The following PIAS2 variants were observed in gnomAD, a reference collection of about 807,000 sequenced individuals.
The protein encoded by PIAS2 is protein inhibitor of activated STAT 2.
Under a neutral mutation model 69.7 loss-of-function variants are expected in PIAS2, and 19 were observed. The observed-to-expected ratio is 0.27, with a 90% CI of 0.19 to 0.40. PIAS2 has a LOEUF of 0.40. Ranked by LOEUF, PIAS2 falls within the 10% of genes least tolerant of loss-of-function variation. The pLI, the probability that PIAS2 is intolerant of heterozygous loss-of-function variation, is 1.00. For synonymous variants in PIAS2, 261 were observed against 263.2 expected (o/e 0.99, Z 0.08); for missense variants, 624 against 757.0 (o/e 0.82, Z 2.06).
At position 46,890,957 on chromosome 18, in the gene PIAS2, G is replaced by A. The variant is rs748062531; in HGVS notation, c.122C>T (p.Ala41Val). 48 of 1,613,816 alleles carry A rather than the reference G, an allele frequency of 3.0e-5. No individual in the cohort carries two copies. The highest frequency in any genetic ancestry group is 2.3e-4 in the South Asian group (21 of 91,080). The change falls in exon 2 of 14, where the codon GCG becomes GTG. Residue 41 changes from alanine (A) to valine (V), a missense_variant. By Grantham distance (64) the Ala-to-Val change is moderately conservative. Around this residue, in one of 3 missense-constraint regions of PIAS2, gnomAD observed 339 missense variants for 408.8 expected, o/e 0.83. Coordinates refer to ENST00000585916, the MANE Select transcript of PIAS2 (RefSeq NM_004671.5). Reference sequence around the variant, plus strand: ...GCAGCCGCTCTTCAATAAATGCAGCGCCCTCATCAGGAGGTCATGCTTGCG... The same window carrying A: ...GCAGCCGCTCTTCAATAAATGCAGCACCCTCATCAGGAGGTCATGCTTGCG... ...SGRKHDLLMR[A>V]LHLLKSGCSP... is the part of the protein sequence containing the mutation.
chr18:46,844,332 G>T (rs2045861476), intron 7 of PIAS2, among the ~76,000 whole-genome samples: 1 of 152,008 alleles, frequency 6.6e-6, no homozygotes, highest in South Asian at 2.1e-4. Context: ...AAGTAAAACT[G>T]CTGGCAAGCA....
intron 11 of PIAS2, among the ~76,000 whole-genome samples, chr18:46,822,984 T>A (rs2042342772): frequency 1.3e-5 from 2 of 151,806 alleles, no homozygotes. Flanking sequence ...ACACCTGTAA[T>A]CTCAGGTCTT....
chr18:46,840,240 T>A (rs1441911104), intron 8 of PIAS2, among the ~76,000 whole-genome samples: 1 of 152,150 alleles, frequency 6.6e-6, no homozygotes, highest in East Asian at 1.9e-4. Context: ...AATATTTGTA[T>A]ATTAGAAATT....
chr18:46,859,139 C>G (rs560425365), intron 3 of PIAS2, among the ~76,000 whole-genome samples: 1 of 152,158 alleles, frequency 6.6e-6, no homozygotes, highest in Admixed American at 6.5e-5. Flanking sequence ...ATAAAAGAAT[C>G]AATGAAGGGC....
At chr18:46,874,189 G>A (rs1224755096) in intron 2 of PIAS2, among the ~76,000 whole-genome samples, 4 of 152,094 alleles carry the variant, frequency 2.6e-5, no homozygotes, top group Non-Finnish European at 5.9e-5. Flanking sequence ...ACCACCCATC[G>A]GAGGAAGAAC....
intron 9 of PIAS2, among the ~76,000 whole-genome samples, 196 bp from the exon 10 acceptor site, chr18:46,830,063 A>T (rs2043373028): frequency 6.6e-6 from 1 of 152,196 alleles, no homozygotes; most frequent in African/African-American, 2.4e-5. Flanking sequence ...AACAGGCAAC[A>T]TAATAGTTAA....
chr18:46,834,489 ATAT>A (rs1211797690), intron 9 of PIAS2, among the ~76,000 whole-genome samples: 1 of 152,230 alleles, frequency 6.6e-6, no homozygotes, highest in East Asian at 1.9e-4. Context: ...TTTGTAAAAG[ATAT>A]TATAATGACC....
intron 3 of PIAS2, among the ~76,000 whole-genome samples, chr18:46,858,575 T>C (rs1372031683): frequency 4.6e-5 from 7 of 152,144 alleles, no homozygotes; most frequent in South Asian, 2.1e-4. Flanking sequence ...CACATGCCTA[T>C]AGTCCCAGCT....
At chr18:46,862,612 GGTGT>G (rs1213772134) in intron 3 of PIAS2, among the ~76,000 whole-genome samples, 3 of 151,734 alleles carry the variant, frequency 2.0e-5, no homozygotes, top group East Asian at 1.9e-4. Context: ...TAACACTAAA[GGTGT>G]GTGTATACAT....
intron 11 of PIAS2, among the ~76,000 whole-genome samples, chr18:46,825,843 G>T (rs769550035): frequency 1.4e-4 from 21 of 152,160 alleles, no homozygotes; most frequent in Non-Finnish European, 2.5e-4. Context: ...TGACTACAAA[G>T]TTGTCCTTAT....
chr18:46,893,986 C>G (rs1416355462), intron 1 of PIAS2, among the ~76,000 whole-genome samples: 1 of 152,006 alleles, frequency 6.6e-6, no homozygotes, highest in African/African-American at 2.4e-5. Context: ...ATTAGCCAGG[C>G]TTGGTGGTAC....
intron 12 of PIAS2, chr18:46,816,665 G>A (rs914200380): frequency 8.1e-5 from 23 of 282,616 alleles, no homozygotes; most frequent in African/African-American, 4.6e-4. Context: ...AGAGGGTCTC[G>A]CTATGTTGCC....
At chr18:46,892,769 C>CA (rs1171741331) in intron 1 of PIAS2, among the ~76,000 whole-genome samples, 1 of 151,880 alleles carries the variant, frequency 6.6e-6, no homozygotes, top group African/African-American at 2.4e-5. Flanking sequence ...AAGACTGTCT[C>CA]AAAAATAATA....
rs2058094958 is a variant in PIAS2 at position 46,917,363 on chromosome 18, C to CGCCGCCGCCGCT, written c.-30_-19dup. 1.4e-6 allele frequency: 2 copies of CGCCGCCGCCGCT among 1,456,526 alleles called. No homozygotes were observed. Among genetic ancestry groups the CGCCGCCGCCGCT allele is most frequent in the African/African-American group, 1.5e-5 (1 of 67,048 alleles). The allele number at this position is 1,456,526 out of a possible 1,614,324, so 90.2% of individuals were successfully genotyped here. A position where few individuals can be genotyped will look rare whatever the true frequency, so the allele number is the denominator to read the frequency against. ...TCCGCCATTTTATACCACCCGCGGG[C>CGCCGCCGCCGCT]GCCGCCGCCGCTGCCGCCGCACCCA... On this transcript the variant is annotated 5_prime_UTR_variant, in exon 1 of 14. Transcript: ENST00000585916.
chr18:46,899,595 A>G (rs3892820), intron 1 of PIAS2, among the ~76,000 whole-genome samples: 84,960 of 152,082 alleles, frequency 0.56, 24,277 homozygotes, highest in African/African-American at 0.67. Flanking sequence ...AGCCTCCAGC[A>G]TAACTGGGAC....
chr18:46,913,959 G>A (rs1433123449), intron 1 of PIAS2, among the ~76,000 whole-genome samples: 1 of 152,170 alleles, frequency 6.6e-6, no homozygotes, highest in Non-Finnish European at 1.5e-5. Context: ...ACCAAGCCCT[G>A]CCCTCCAGAC....
rs552472794 is a variant in PIAS2, at chr18:46,917,240, G to A, written c.24+82C>T. The A allele has an allele frequency of 2.1e-5, 30 of 1,414,140 alleles. No individual in the cohort carries two copies. The African/African-American group carries it at 2.7e-4, about 13-fold the overall frequency. The allele number at this position is 1,414,140 out of a possible 1,614,324, so 87.6% of individuals were successfully genotyped here. On this transcript the variant is annotated intron_variant, in intron 1 of 13. Coordinates refer to ENST00000585916, the MANE Select transcript of PIAS2 (RefSeq NM_004671.5). Reference sequence around the variant, plus strand: ...CCAACCGGCCCCAGAGGCACGAGCAGGCGGCGGCCGGCGACGTTGCGGTTT... The same window carrying A: ...CCAACCGGCCCCAGAGGCACGAGCAAGCGGCGGCCGGCGACGTTGCGGTTT...
chr18:46,851,168 G>C (rs1234773380), intron 5 of PIAS2, among the ~76,000 whole-genome samples: 1 of 152,136 alleles, frequency 6.6e-6, no homozygotes, highest in South Asian at 2.1e-4. Flanking sequence ...CAACATCAGG[G>C]AACATAAATC....
upstream of PIAS2, chr18:46,917,698 G>A: frequency 2.7e-6 from 1 of 377,082 alleles, no homozygotes; most frequent in Non-Finnish European, 3.7e-6. Context: ...CCTCCCCGGC[G>A]GAGGCCCCTG....
Sources: allele counts gnomAD v4.1 joint callset (sites outside exome capture counted in the v4.1 genomes callset), GRCh38; gene constraint gnomAD v4.1.1; regional missense constraint gnomAD v4.1.1; transcripts MANE v1.5; gene names NCBI Gene and HGNC (gene_info 2026-07-23, HGNC 2026-07-21).